ZUP1: variants seen among roughly 807,000 people sequenced by gnomAD.
ZUP1 encodes zinc finger-containing ubiquitin peptidase 1.
Under a neutral mutation model 68.1 loss-of-function variants are expected in ZUP1, and 55 were observed. The ratio of observed to expected loss-of-function variants is 0.81; its 90% CI spans 0.65 to 1.01. The LOEUF is 1.01. ZUP1 is among the 50% of genes least tolerant of loss of function. The pLI is 0.00. For missense variants in ZUP1, 684 were observed against 674.9 expected, an observed-to-expected ratio of 1.01 and a Z score of -0.15; for synonymous variants, 223 against 221.5, an observed-to-expected ratio of 1.01 and a Z score of -0.06.
chr6:116,643,800 A>G (rs985524717), intron 9 of ZUP1, among the ~76,000 whole-genome samples: 13 of 152,226 alleles, frequency 8.5e-5, no homozygotes, highest in Non-Finnish European at 1.5e-4. Flanking sequence ...TGTCTAAAAC[A>G]CCAAAAGCAT....
At chr6:116,667,903 G>GT (rs1274606105) in intron 1 of ZUP1, among the ~76,000 whole-genome samples, 1 of 152,086 alleles carries the variant, frequency 6.6e-6, no homozygotes, top group Non-Finnish European at 1.5e-5. Context: ...ATCATTTTGG[G>GT]TAAGGAATCT....
intron 8 of ZUP1, chr6:116,646,371 C>T (rs1255193358): frequency 1.3e-5 from 2 of 154,922 alleles, no homozygotes; most frequent in Non-Finnish European, 2.9e-5. Context: ...CTAACATTTA[C>T]TTCTGTTTAT....
At chr6:116,656,430 T>C (rs754344779) in intron 5 of ZUP1, among the ~76,000 whole-genome samples, 11 of 152,196 alleles carry the variant, frequency 7.2e-5, no homozygotes, top group African/African-American at 9.6e-5. Context: ...TAAAATTATA[T>C]ATGTGGCTCA....
Position 116,645,811 on chromosome 6 carries a change from C to G in ZUP1, c.1592G>C (p.Ser531Thr). ...AGATTTCCGAAGTTGCTTGAGACTG[C>G]TAGCCTCTATGTCTTGCTTTAATAA... ...QKLLKQDIEA[S>T]SLKQLRKSMG... The change falls in exon 9 of 10, where the codon AGC (serine) becomes ACC (threonine). Residue 531 changes from serine (S) to threonine (T), a missense_variant. By Grantham distance (58) the Ser-to-Thr change is moderately conservative. Coordinates refer to ENST00000368576, the MANE Select transcript of ZUP1 (RefSeq NM_145062.3). The G allele has an allele frequency of 6.2e-7, 1 of 1,613,914 alleles. No homozygotes were observed. The highest frequency in any genetic ancestry group is 8.5e-7 in the Non-Finnish European group (1 of 1,179,938).
chr6:116,639,691 T>C (rs997220909), intron 9 of ZUP1, among the ~76,000 whole-genome samples: 1 of 151,968 alleles, frequency 6.6e-6, no homozygotes, highest in Non-Finnish European at 1.5e-5. Context: ...CATCTGTACA[T>C]CACCATCATC....
At chr6:116,668,176 T>G (rs1239075832) in intron 1 of ZUP1, among the ~76,000 whole-genome samples, 1 of 152,226 alleles carries the variant, frequency 6.6e-6, no homozygotes, top group Non-Finnish European at 1.5e-5. Flanking sequence ...TGTCCTTATT[T>G]TTTTCATTTC....
intron 6 of ZUP1, 46 bp from the exon 7 acceptor site, chr6:116,651,783 C>T: frequency 6.2e-7 from 1 of 1,600,606 alleles, no homozygotes; most frequent in Non-Finnish European, 8.5e-7. Flanking sequence ...TAATAAAGTA[C>T]TGAATAATAT....
intron 9 of ZUP1, among the ~76,000 whole-genome samples, chr6:116,637,935 G>A (rs1253355960): frequency 1.4e-4 from 21 of 152,038 alleles, no homozygotes; most frequent in African/African-American, 4.3e-4. Flanking sequence ...GGTGGCACAC[G>A]CCTGTAATCC....
chr6:116,638,283 C>T (rs569169917), intron 9 of ZUP1, among the ~76,000 whole-genome samples: 3 of 152,028 alleles, frequency 2.0e-5, no homozygotes, highest in African/African-American at 7.3e-5. Flanking sequence ...TTAGGGCTTA[C>T]GCATTTTCTA....
chr6:116,656,605 C>T, intron 5 of ZUP1, 79 bp downstream of exon 5: 1 of 1,198,884 alleles, frequency 8.3e-7, no homozygotes, highest in East Asian at 2.7e-5. Flanking sequence ...GAAAATTAAG[C>T]AAAATTAAAA....
At chr6:116,657,928 T>C (rs1310179927) in intron 4 of ZUP1, among the ~76,000 whole-genome samples, 1 of 152,146 alleles carries the variant, frequency 6.6e-6, no homozygotes, top group Non-Finnish European at 1.5e-5. Context: ...CTGTCTCTAC[T>C]AATAATACAA....
intron 9 of ZUP1, among the ~76,000 whole-genome samples, chr6:116,643,773 C>G (rs1264457501): frequency 1.3e-5 from 2 of 152,146 alleles, no homozygotes; most frequent in Non-Finnish European, 2.9e-5. Flanking sequence ...AGCACATAGG[C>G]ATGGGCAAGG....
intron 9 of ZUP1, among the ~76,000 whole-genome samples, chr6:116,642,584 A>G (rs1776141864): frequency 6.6e-6 from 1 of 152,204 alleles, no homozygotes; most frequent in South Asian, 2.1e-4. Flanking sequence ...AAAGACAAAA[A>G]CCACATGATT....
intron 8 of ZUP1, 109 bp downstream of exon 8, chr6:116,647,350 T>C (rs6568959): frequency 0.31 from 311,846 of 990,096 alleles, 51,913 homozygotes; most frequent in African/African-American, 0.5. Flanking sequence ...CAGAGTGAGA[T>C]TCTGTCTAAA....
intron 7 of ZUP1, among the ~76,000 whole-genome samples, chr6:116,648,742 G>A (rs990009252): frequency 6.6e-6 from 1 of 151,810 alleles, no homozygotes; most frequent in Admixed American, 6.6e-5. Flanking sequence ...CGGGTGGATC[G>A]CTTGAGCCTA....
intron 7 of ZUP1, among the ~76,000 whole-genome samples, chr6:116,647,835 C>T (rs1048220693): frequency 1.3e-5 from 2 of 152,068 alleles, no homozygotes; most frequent in African/African-American, 4.8e-5. Flanking sequence ...TTTAACTATT[C>T]CTCTAACTAG....
Position 116,647,478 on chromosome 6 carries a change from AG to A in ZUP1, c.1448del (p.Pro483LeufsTer27). 6.4e-7 allele frequency: 1 copy of A among 1,572,752 alleles called. No individual in the cohort carries two copies. The highest frequency in any genetic ancestry group is 8.7e-7 in the Non-Finnish European group (1 of 1,154,606). ...SPKVVCTSKP[P>X]IYLQHQGHSR... Reference sequence around the variant, plus strand: ...ACTAACCTTGATGCTGAAGATAGATAGGAGGTTTAGATGTACACACTACCTT... The same window carrying A: ...ACTAACCTTGATGCTGAAGATAGATAGAGGTTTAGATGTACACACTACCTT... On this transcript the variant is annotated frameshift_variant, in exon 8 of 10. Transcript: ENST00000368576. LOFTEE classifies it high-confidence loss of function.
chr6:116,644,986 C>T (rs1776243718), intron 9 of ZUP1, among the ~76,000 whole-genome samples: 1 of 151,990 alleles, frequency 6.6e-6, no homozygotes, highest in Non-Finnish European at 1.5e-5. Flanking sequence ...TTCAGACACT[C>T]CTACAAGGCT....
intron 9 of ZUP1, among the ~76,000 whole-genome samples, chr6:116,643,710 T>C (rs1776195793): frequency 6.6e-6 from 1 of 152,196 alleles, no homozygotes; most frequent in Non-Finnish European, 1.5e-5. Flanking sequence ...AAGACTTACA[T>C]GTTAGACATA....
Sources: gnomAD v4.1 joint callset for allele counts (sites outside exome capture counted in the v4.1 genomes callset) on GRCh38, gnomAD v4.1.1 for gene constraint, MANE v1.5 for transcripts, NCBI Gene and HGNC (gene_info 2026-07-23, HGNC 2026-07-21) for gene names.